The following SCN8A variants were observed in gnomAD, a reference collection of about 807,000 sequenced individuals.
SCN8A encodes the protein sodium channel protein type 8 subunit alpha.
A neutral mutation model predicts 184.1 loss-of-function variants in SCN8A; 30 were observed. That is an observed-to-expected ratio of 0.16 (90% CI 0.12 to 0.22). SCN8A has a LOEUF of 0.22. Ranked by LOEUF, SCN8A falls within the 10% of genes least tolerant of loss-of-function variation. The pLI, the probability that SCN8A is intolerant of heterozygous loss-of-function variation, is 1.00. For synonymous variants in SCN8A, 852 were observed against 907.0 expected, an observed-to-expected ratio of 0.94 and a Z score of 1.09; for missense variants, 1,057 against 2,498.9, an observed-to-expected ratio of 0.42 and a Z score of 12.30.
intron 2 of SCN8A, among the ~76,000 whole-genome samples, chr12:51,666,970 A>G (rs1941045147): frequency 6.6e-6 from 1 of 152,154 alleles, no homozygotes; most frequent in Non-Finnish European, 1.5e-5. Context: ...TCTCAGGGCT[A>G]CTTTACATTT....
In SCN8A at chr12:51,807,528, ACT is replaced by A; in HGVS notation, c.*102_*103del. ...TTATCAATGCAGAACAGCTGTGGAGACTCTAACCTGAAGATCTATACCAAACG... is the reference window on the plus strand; with the variant it reads ...TTATCAATGCAGAACAGCTGTGGAGACTAACCTGAAGATCTATACCAAACG... On this transcript the variant is annotated 3_prime_UTR_variant, in exon 27 of 27. Coordinates refer to ENST00000627620, the MANE Select transcript of SCN8A (RefSeq NM_001330260.2). This position sits in a 1 kb window ranked among gnomAD's most constrained non-coding sequence, Gnocchi z 4.5. 7.9e-7 allele frequency: 1 copy of A among 1,259,754 alleles called. No homozygotes were observed. The allele number at this position is 1,259,754 out of a possible 1,614,324, so 78.0% of individuals were successfully genotyped here.
chr12:51,713,767 T>C (rs930337994), intron 11 of SCN8A, among the ~76,000 whole-genome samples: 2 of 152,124 alleles, frequency 1.3e-5, no homozygotes, highest in East Asian at 3.8e-4. Flanking sequence ...TTTCTGGTCT[T>C]AGGACCCCTT....
intron 12 of SCN8A, among the ~76,000 whole-genome samples, chr12:51,738,101 G>A (rs748789316): frequency 7.2e-5 from 11 of 152,056 alleles, no homozygotes; most frequent in Admixed American, 1.3e-4. Flanking sequence ...CCTAATCTTT[G>A]GTGGGAACTT....
At chr12:51,677,238 C>T (rs1222639241) in intron 2 of SCN8A, among the ~76,000 whole-genome samples, 1 of 151,972 alleles carries the variant, frequency 6.6e-6, no homozygotes, top group East Asian at 1.9e-4. Flanking sequence ...GCACATGCCA[C>T]CATTCCCAGC....
Position 51,810,598 on chromosome 12 carries a change from C to T in SCN8A, c.*3169C>T, listed in dbSNP as rs1938860565. The T allele has an allele frequency of 6.5e-6, 1 of 154,190 alleles. No homozygotes were observed. The highest frequency in any genetic ancestry group is 2.4e-5 in the African/African-American group (1 of 41,350). 9.6% of individuals were successfully genotyped at this position (154,190 alleles called of 1,614,324 possible). On this transcript the variant is annotated 3_prime_UTR_variant, in exon 27 of 27. Transcript: ENST00000627620. ...GGTCCTTGGTGCAGTATTTATACTC[C>T]ACAATCCACCTTTTAAAAAAAGGAC...
chr12:51,656,952 C>G (rs935567058), intron 1 of SCN8A, among the ~76,000 whole-genome samples: 3 of 152,016 alleles, frequency 2.0e-5, no homozygotes, highest in Non-Finnish European at 2.9e-5. Context: ...TTCAGGAAAA[C>G]AGTTTGGCAG....
At chr12:51,691,728 A>G (rs1941512473) in intron 6 of SCN8A, among the ~76,000 whole-genome samples, 1 of 152,172 alleles carries the variant, frequency 6.6e-6, no homozygotes, top group Non-Finnish European at 1.5e-5. Context: ...AGTAAATGGT[A>G]TATTTGGTTC....
At position 51,751,468 on chromosome 12, in the gene SCN8A, A is replaced by G. The variant is rs1331549282; in HGVS notation, c.2245A>G (p.Ile749Val). The change falls in exon 14 of 27, where the codon ATA becomes GTA. Residue 749 changes from isoleucine (I) to valine (V), a missense_variant. Ile to Val is a conservative substitution (Grantham distance 29). Around this residue, in one of 19 missense-constraint regions of SCN8A, gnomAD observed 66 missense variants for 310.6 expected, o/e 0.21. Transcript: ENST00000627620. ...WIKLKEIVNL[I>V]VMDPFVDLAI... ...AAAACTGAAAGAGATTGTGAACTTG[A>G]TAGTTATGGACCCTTTTGTGGATTT... The G allele has an allele frequency of 1.9e-6, 3 of 1,613,908 alleles. No homozygotes were observed. The highest frequency in any genetic ancestry group is 2.5e-6 in the Non-Finnish European group (3 of 1,179,834).
At chr12:51,736,499 C>T (rs1274213702) in intron 12 of SCN8A, among the ~76,000 whole-genome samples, 1 of 152,214 alleles carries the variant, frequency 6.6e-6, no homozygotes, top group African/African-American at 2.4e-5. Flanking sequence ...TGGATAATAG[C>T]TTTAGCTTCA....
intron 12 of SCN8A, among the ~76,000 whole-genome samples, chr12:51,742,506 T>G (rs1942442854): frequency 6.6e-6 from 1 of 152,134 alleles, no homozygotes; most frequent in Admixed American, 6.5e-5. Flanking sequence ...GCACTTTAAA[T>G]ATATCATTAC....
intron 12 of SCN8A, among the ~76,000 whole-genome samples, chr12:51,736,009 T>C (rs1942320099): frequency 6.6e-6 from 1 of 152,208 alleles, no homozygotes; most frequent in Admixed American, 6.5e-5. Context: ...TTGGGCAGGC[T>C]CAAAAAATTT....
chr12:51,781,620 T>C (rs1937923882), intron 21 of SCN8A, among the ~76,000 whole-genome samples: 1 of 152,122 alleles, frequency 6.6e-6, no homozygotes, highest in South Asian at 2.1e-4. Flanking sequence ...CTCTTTTGGT[T>C]TAAACAATTG....
intron 2 of SCN8A, among the ~76,000 whole-genome samples, chr12:51,674,256 G>A (rs1037245947): frequency 2.0e-5 from 3 of 152,138 alleles, no homozygotes; most frequent in African/African-American, 4.8e-5. Flanking sequence ...GCTCTAACTT[G>A]TGCACAAGTG....
chr12:51,686,247 T>C, intron 3 of SCN8A, 121 bp from the exon 4 acceptor site: 1 of 687,266 alleles, frequency 1.5e-6, no homozygotes. Context: ...ATTTTTCTCT[T>C]CTGTGCTTCA....
At position 51,751,241 on chromosome 12, in the gene SCN8A, C is replaced by G. The variant is rs888013834; in HGVS notation, c.2132-114C>G. On this transcript the variant is annotated intron_variant, in intron 13 of 26. Coordinates refer to ENST00000627620, the MANE Select transcript of SCN8A (RefSeq NM_001330260.2). The stretch of plus-strand genomic sequence containing the variant: ...GAAAACACTTAGGAATGTCAGCGCT[C>G]AAAACAACCTTGATTCCATATTAAT... 6 of 751,334 alleles carry G rather than the reference C, an allele frequency of 8.0e-6. No individual in the cohort carries two copies. In the African/African-American group the frequency reaches 1.0e-4, roughly 13 times the overall value. The allele number at this position is 751,334 out of a possible 1,614,324, so 46.5% of individuals were successfully genotyped here.
At chr12:51,805,342 G>T (rs879431614) in intron 26 of SCN8A, among the ~76,000 whole-genome samples, 1 of 152,154 alleles carries the variant, frequency 6.6e-6, no homozygotes, top group Non-Finnish European at 1.5e-5. Context: ...ACTTTGGGAG[G>T]TTGAGGAGGG....
chr12:51,607,040 G>C (rs1004670513), intron 1 of SCN8A, among the ~76,000 whole-genome samples: 1 of 151,980 alleles, frequency 6.6e-6, no homozygotes, highest in Admixed American at 6.6e-5. Flanking sequence ...TGGGATTACA[G>C]GGGTATGCCA....
At chr12:51,702,970 T>C in intron 9 of SCN8A, 56 bp downstream of exon 9, 2 of 1,490,922 alleles carry the variant, frequency 1.3e-6, no homozygotes, top group South Asian at 2.7e-5. Flanking sequence ...TATATGGGGT[T>C]GGGGACCTTC....
At chr12:51,712,695 A>G (rs1311691552) in intron 11 of SCN8A, 4 of 896,470 alleles carry the variant, frequency 4.5e-6, no homozygotes, top group African/African-American at 1.6e-5. Context: ...CCGCTACCAT[A>G]TCCACCACAC....
Sources: allele counts gnomAD v4.1 joint callset (sites outside exome capture counted in the v4.1 genomes callset), GRCh38; gene constraint gnomAD v4.1.1; regional missense constraint gnomAD v4.1.1; non-coding constraint Gnocchi (gnomAD v3.1); transcripts MANE v1.5; gene names NCBI Gene and HGNC (gene_info 2026-07-23, HGNC 2026-07-21).